The following PCDH9 variants were observed in gnomAD, a reference collection of about 807,000 sequenced individuals.
PCDH9 encodes protocadherin 9.
PCDH9 carries 24 observed loss-of-function variants against 70.6 expected under a neutral mutation model. The observed-to-expected ratio is 0.34, with a 90% confidence interval of 0.25 to 0.48. PCDH9 has a LOEUF of 0.48. PCDH9 is among the 20% of genes least tolerant of loss of function. The pLI, the probability that PCDH9 is intolerant of heterozygous loss-of-function variation, is 0.99. For synonymous variants in PCDH9, 562 were observed against 558.5 expected (o/e 1.01, Z -0.09); for missense variants, 1,281 against 1,503.6 (o/e 0.85, Z 2.45).
intron 4 of PCDH9, among the ~76,000 whole-genome samples, chr13:66,516,094 C>A (rs1566384202): frequency 1.3e-5 from 2 of 151,916 alleles, no homozygotes. Flanking sequence ...TCCCATCTAA[C>A]TTTTTTTGTT....
chr13:67,123,448 G>A (rs548621103), intron 2 of PCDH9, among the ~76,000 whole-genome samples: 1 of 152,228 alleles, frequency 6.6e-6, no homozygotes, highest in Admixed American at 6.5e-5. Flanking sequence ...ACATACACCT[G>A]ATTGGAAAGA....
intron 2 of PCDH9, among the ~76,000 whole-genome samples, chr13:67,101,089 CAG>C (rs2138239267): frequency 1.3e-5 from 2 of 152,316 alleles, no homozygotes; most frequent in South Asian, 4.1e-4. Flanking sequence ...TTGAGCTCCT[CAG>C]AGCCATGCAG....
chr13:67,195,169 A>G (rs1299414161), intron 2 of PCDH9, among the ~76,000 whole-genome samples: 1 of 150,768 alleles, frequency 6.6e-6, no homozygotes, highest in Non-Finnish European at 1.5e-5. Flanking sequence ...TTTTTGAGAC[A>G]GAGTCTCGCT....
intron 2 of PCDH9, among the ~76,000 whole-genome samples, chr13:66,980,128 CT>C (rs2083711929): frequency 6.7e-6 from 1 of 149,466 alleles, no homozygotes. Context: ...ATCTATCTAT[CT>C]ATCATCACTT....
chr13:66,954,849 T>C (rs1354589192), intron 2 of PCDH9, among the ~76,000 whole-genome samples: 1 of 152,222 alleles, frequency 6.6e-6, no homozygotes, highest in Non-Finnish European at 1.5e-5. Context: ...CTGAAAACTC[T>C]GCCTCCCAGG....
intron 2 of PCDH9, among the ~76,000 whole-genome samples, chr13:67,098,776 G>A (rs2086373496): frequency 6.6e-6 from 1 of 151,456 alleles, no homozygotes; most frequent in African/African-American, 2.4e-5. Context: ...ATATAGAAAA[G>A]AAATAATAAT....
intron 3 of PCDH9, among the ~76,000 whole-genome samples, chr13:66,712,392 A>G (rs1385959816): frequency 6.6e-6 from 1 of 152,160 alleles, no homozygotes; most frequent in East Asian, 1.9e-4. Flanking sequence ...TAGTTTTGAT[A>G]GTCATTAAAA....
intron 4 of PCDH9, among the ~76,000 whole-genome samples, chr13:66,340,037 T>C (rs1317044711): frequency 1.3e-5 from 2 of 152,126 alleles, no homozygotes; most frequent in East Asian, 3.9e-4. Flanking sequence ...GGGAGAATGA[T>C]AAACATGAGG....
intron 3 of PCDH9, among the ~76,000 whole-genome samples, chr13:66,703,911 TA>T (rs34387881): frequency 1.3e-5 from 2 of 150,812 alleles, no homozygotes; most frequent in South Asian, 2.1e-4. Context: ...AATTAAAAAT[TA>T]AAAAAAAATA....
At chr13:66,422,542 C>G (rs9564315) in intron 4 of PCDH9, among the ~76,000 whole-genome samples, 59,942 of 152,036 alleles carry the variant, frequency 0.39, 12,489 homozygotes, top group South Asian at 0.54. Context: ...GAACAACCTA[C>G]TCCTGAATGA....
At chr13:66,481,944 A>G (rs368986208) in intron 4 of PCDH9, among the ~76,000 whole-genome samples, 38 of 65,438 alleles carry the variant, frequency 5.8e-4, no homozygotes, top group African/African-American at 1.8e-3. Context: ...ACATGCACGC[A>G]CACACACACA....
chr13:66,734,375 C>A (rs34066857), intron 3 of PCDH9, among the ~76,000 whole-genome samples: 42,512 of 151,964 alleles, frequency 0.28, 6,471 homozygotes, highest in East Asian at 0.44. Flanking sequence ...GCATTTCTTC[C>A]TTTGACTAAT....
At chr13:66,723,787 G>A (rs1488316407) in intron 3 of PCDH9, among the ~76,000 whole-genome samples, 1 of 152,178 alleles carries the variant, frequency 6.6e-6, no homozygotes, top group African/African-American at 2.4e-5. Flanking sequence ...AGTGCAACAT[G>A]CCCAGAATAC....
chr13:66,469,911 C>T (rs1422385015), intron 4 of PCDH9, among the ~76,000 whole-genome samples: 1 of 152,128 alleles, frequency 6.6e-6, no homozygotes, highest in Non-Finnish European at 1.5e-5. Flanking sequence ...TGGACAGGGC[C>T]ACTTTAATCG....
At chr13:66,672,516 C>T (rs919415213) in intron 3 of PCDH9, among the ~76,000 whole-genome samples, 1 of 152,218 alleles carries the variant, frequency 6.6e-6, no homozygotes, top group African/African-American at 2.4e-5. Flanking sequence ...ACAGAGTCCC[C>T]ACTGGGGCAC....
intron 2 of PCDH9, among the ~76,000 whole-genome samples, chr13:67,192,078 T>C (rs181288139): frequency 1.3e-5 from 2 of 152,166 alleles, no homozygotes; most frequent in East Asian, 1.9e-4. Flanking sequence ...AATCAGTCTA[T>C]AATTAAAAGA....
chr13:66,769,218 G>GA (rs891072524), intron 3 of PCDH9, among the ~76,000 whole-genome samples: 64 of 150,630 alleles, frequency 4.2e-4, no homozygotes, highest in Non-Finnish European at 6.8e-4. Context: ...AGTGAAATAT[G>GA]AAAAAAAAAT....
chr13:66,957,839 T>C (rs577915090), intron 2 of PCDH9, among the ~76,000 whole-genome samples: 1 of 152,316 alleles, frequency 6.6e-6, no homozygotes, highest in South Asian at 2.1e-4. Flanking sequence ...AATTATGTGG[T>C]TTTAATCACC....
intron 2 of PCDH9, among the ~76,000 whole-genome samples, chr13:67,055,446 C>T (rs2085399428): frequency 6.6e-6 from 1 of 152,072 alleles, no homozygotes; most frequent in Non-Finnish European, 1.5e-5. Context: ...GACAATACTC[C>T]CCTTAAGATT....
Sources: allele counts gnomAD v4.1 joint callset (sites outside exome capture counted in the v4.1 genomes callset), GRCh38; gene constraint gnomAD v4.1.1; transcripts MANE v1.5; gene names NCBI Gene and HGNC (gene_info 2026-07-23, HGNC 2026-07-21).